The following C8A variants were observed in gnomAD, a reference collection of about 807,000 sequenced individuals.
The protein encoded by C8A is complement component C8 alpha chain.
C8A carries 67 observed loss-of-function variants against 65.3 expected under a neutral mutation model. The ratio of observed to expected loss-of-function variants is 1.03; its 90% CI spans 0.84 to 1.26. The LOEUF (loss-of-function observed/expected upper bound fraction) is 1.26. Ranked by LOEUF, C8A falls within the 50% of genes most tolerant of loss-of-function variation. The probability of loss-of-function intolerance (pLI) is 0.00; values close to 1 mark genes in which losing one functional copy is unlikely to be tolerated. For synonymous variants in C8A, 290 were observed against 259.4 expected (o/e 1.12, Z -1.13); for missense variants, 781 against 723.9 (o/e 1.08, Z -0.90).
intron 2 of C8A, among the ~76,000 whole-genome samples, chr1:56,872,972 G>C (rs528853095): frequency 1.3e-5 from 2 of 152,120 alleles, no homozygotes; most frequent in African/African-American, 4.8e-5. Flanking sequence ...GTGCTGAGGG[G>C]CAAGAGTGTG....
rs991829918 is a variant in C8A, at chr1:56,902,214, A to T, written c.1097-4453A>T. On this transcript the variant is annotated intron_variant, in intron 7 of 10. Transcript: ENST00000361249. ...TCTCTGCTTGACTTCTGACTGTGAT[A>T]ATGATCGACCTTATGCTAAGCCTAA... Among the ~76,000 whole-genome samples, 3 of 152,090 alleles carry T rather than the reference A, an allele frequency of 2.0e-5. No individual in the cohort carries two copies. In the South Asian group the frequency reaches 6.2e-4, roughly 32 times the overall value.
At chr1:56,882,631 A>T (rs530262596) in intron 5 of C8A, among the ~76,000 whole-genome samples, 1 of 152,228 alleles carries the variant, frequency 6.6e-6, no homozygotes, top group African/African-American at 2.4e-5. Flanking sequence ...GCCTGTTTTT[A>T]AGAAGTTTGC....
intron 1 of C8A, among the ~76,000 whole-genome samples, chr1:56,857,563 C>T (rs75021654): frequency 5.9e-5 from 9 of 152,004 alleles, no homozygotes; most frequent in East Asian, 1.9e-4. Context: ...ATAGATGAGG[C>T]TTGCTTTAGC....
chr1:56,875,924 A>G, intron 3 of C8A, 138 bp from the exon 4 acceptor site: 3 of 1,189,644 alleles, frequency 2.5e-6, no homozygotes, highest in Non-Finnish European at 3.6e-6. Flanking sequence ...GCTGGAAGGA[A>G]GGCAGAGGCA....
At chr1:56,859,747 C>T (rs1644012241) in intron 1 of C8A, among the ~76,000 whole-genome samples, 1 of 128,240 alleles carries the variant, frequency 7.8e-6, no homozygotes, top group African/African-American at 3.2e-5. Context: ...TGGAGTTAGT[C>T]AATAAATATA....
chr1:56,892,575 A>G (rs1370939294), intron 7 of C8A, among the ~76,000 whole-genome samples: 1 of 151,950 alleles, frequency 6.6e-6, no homozygotes, highest in African/African-American at 2.4e-5. Flanking sequence ...CGTATCCACA[A>G]TCCATCCCTT....
At chr1:56,868,905 AG>A (rs1254867699) in intron 2 of C8A, among the ~76,000 whole-genome samples, 2 of 152,234 alleles carry the variant, frequency 1.3e-5, no homozygotes, top group African/African-American at 4.8e-5. Context: ...GGAGTATAAA[AG>A]TACCTACTTT....
intron 2 of C8A, among the ~76,000 whole-genome samples, chr1:56,872,553 A>G (rs994693150): frequency 6.6e-5 from 10 of 152,114 alleles, no homozygotes; most frequent in African/African-American, 2.4e-4. Context: ...GAATTGTGGG[A>G]AAAAGGGTGA....
intron 1 of C8A, among the ~76,000 whole-genome samples, chr1:56,865,409 G>A (rs668822): frequency 3.9e-5 from 6 of 152,038 alleles, no homozygotes; most frequent in African/African-American, 1.4e-4. Flanking sequence ...GTGTCCTCAC[G>A]TGGTGGAAGG....
chr1:56,915,527 C>T (rs778919371), intron 10 of C8A, among the ~76,000 whole-genome samples: 13 of 152,172 alleles, frequency 8.5e-5, no homozygotes, highest in South Asian at 2.1e-4. Context: ...GGGTTGTAGC[C>T]GCCATTTTCC....
chr1:56,911,474 A>G (rs1028237639), intron 9 of C8A, among the ~76,000 whole-genome samples: 3 of 152,184 alleles, frequency 2.0e-5, no homozygotes, highest in African/African-American at 7.2e-5. Context: ...TCCAGATTCA[A>G]TCCTCCTTGT....
At chr1:56,859,661 T>C (rs1373554877) in intron 1 of C8A, among the ~76,000 whole-genome samples, 1 of 152,210 alleles carries the variant, frequency 6.6e-6, no homozygotes, top group Non-Finnish European at 1.5e-5. Context: ...TAAATAAATA[T>C]TACATGTATG....
At chr1:56,887,097 G>A (rs182427047) in intron 7 of C8A, among the ~76,000 whole-genome samples, 6 of 152,270 alleles carry the variant, frequency 3.9e-5, no homozygotes, top group African/African-American at 9.6e-5. Flanking sequence ...ATATTGCAAA[G>A]CCAAGTTCAA....
At chr1:56,900,518 C>A (rs1027470508) in intron 7 of C8A, among the ~76,000 whole-genome samples, 1 of 152,204 alleles carries the variant, frequency 6.6e-6, no homozygotes, top group Admixed American at 6.5e-5. Context: ...AGGTTACACT[C>A]TTAACCACCA....
At chr1:56,907,283 GT>G (rs1228839976) in intron 8 of C8A, among the ~76,000 whole-genome samples, 1 of 152,112 alleles carries the variant, frequency 6.6e-6, no homozygotes, top group Non-Finnish European at 1.5e-5. Flanking sequence ...CAGGTATTGA[GT>G]TTTTTTCCCC....
chr1:56,879,821 C>CA lies in C8A; in HGVS notation c.465-1622dup, dbSNP rs138050884. ...GAAGTTAACATACATTGAATTTCTA[C>CA]AATCTGCCAGGTGCTCTATAATTAT... On this transcript the variant is annotated intron_variant, in intron 4 of 10. Coordinates refer to ENST00000361249, the MANE Select transcript of C8A (RefSeq NM_000562.3). Among the ~76,000 whole-genome samples the CA allele has an allele frequency of 5.0e-3, 761 of 152,304 alleles. 6 individuals are homozygous for CA. The highest frequency in any genetic ancestry group is 0.018 in the African/African-American group (742 of 41,582).
intron 2 of C8A, among the ~76,000 whole-genome samples, chr1:56,868,863 T>C (rs1311998851): frequency 6.6e-6 from 1 of 152,178 alleles, no homozygotes; most frequent in Non-Finnish European, 1.5e-5. Flanking sequence ...TTTTTAATCA[T>C]CTTTGTGCCT....
In C8A at chr1:56,912,545, C is replaced by T. The variant is rs139907890; in HGVS notation, c.1523C>T (p.Pro508Leu). The T allele has an allele frequency of 4.3e-6, 7 of 1,614,060 alleles. No homozygotes were observed. The African/African-American group carries it at 9.3e-5, about 22-fold the overall frequency. ...RCGPCFNNGVPILEGTSCRCQ... is the reference protein window; with the variant it reads ...RCGPCFNNGVLILEGTSCRCQ... The stretch of plus-strand genomic sequence containing the variant: ...GGGCCTTGCTTCAACAATGGGGTGC[C>T]CATCCTCGAGGGCACCAGCTGCAGG... The change falls in exon 10 of 11, where the codon CCC (proline) becomes CTC (leucine). Residue 508 changes from proline to leucine, a missense_variant. Coordinates refer to ENST00000361249, the MANE Select transcript of C8A (RefSeq NM_000562.3).
chr1:56,875,154 C>T lies in C8A; in HGVS notation c.316+61C>T, dbSNP rs545026108. On this transcript the variant is annotated intron_variant, in intron 3 of 10. Coordinates refer to ENST00000361249, the MANE Select transcript of C8A (RefSeq NM_000562.3). ...GTCAAAAGTGACATGTGAAACACTT[C>T]CCCAGGGAGCTTATTAAAATGCATA... 17 of 1,573,886 alleles carry T rather than the reference C, an allele frequency of 1.1e-5. No individual in the cohort carries two copies. In the South Asian group the frequency reaches 1.5e-4, roughly 14 times the overall value.
Sources: allele counts gnomAD v4.1 joint callset (sites outside exome capture counted in the v4.1 genomes callset), GRCh38; gene constraint gnomAD v4.1.1; transcripts MANE v1.5; gene names NCBI Gene and HGNC (gene_info 2026-07-23, HGNC 2026-07-21).